Variants in RIMS1 observed in about 807,000 individuals in gnomAD.
The protein encoded by RIMS1 is regulating synaptic membrane exocytosis protein 1.
RIMS1 carries 83 observed loss-of-function variants against 214.1 expected under a neutral mutation model. The observed-to-expected ratio is 0.39, with a 90% CI of 0.32 to 0.47. RIMS1 has a LOEUF of 0.47. RIMS1 is among the 20% of genes least tolerant of loss of function. The probability of loss-of-function intolerance (pLI) is 0.99; values close to 1 mark genes in which losing one functional copy is unlikely to be tolerated. For missense variants in RIMS1, 2,050 were observed against 2,161.8 expected (o/e 0.95, Z 1.03); for synonymous variants, 793 against 786.8 (o/e 1.01, Z -0.13).
At chr6:71,887,426 T>G (rs13203310) in intron 1 of RIMS1, among the ~76,000 whole-genome samples, 16,982 of 151,798 alleles carry the variant, frequency 0.11, 1,277 homozygotes, top group Non-Finnish European at 0.16. Context: ...GAGGATGACT[T>G]GAGACTGGGG....
At chr6:72,346,343 C>G (rs1010126410) in intron 29 of RIMS1, among the ~76,000 whole-genome samples, 1 of 151,766 alleles carries the variant, frequency 6.6e-6, no homozygotes, top group African/African-American at 2.4e-5. Context: ...TAATAGAATA[C>G]AAGAATAGAA....
intron 2 of RIMS1, among the ~76,000 whole-genome samples, chr6:72,093,232 A>AG (rs202036845): frequency 0.36 from 47,734 of 132,564 alleles, 10,783 homozygotes; most frequent in Non-Finnish European, 0.45. Context: ...ATATATAAAA[A>AG]CATGTGTGTA....
intron 29 of RIMS1, among the ~76,000 whole-genome samples, chr6:72,356,329 G>T (rs2097643459): frequency 6.6e-6 from 1 of 151,998 alleles, no homozygotes; most frequent in Non-Finnish European, 1.5e-5. Context: ...ATGATGTTCT[G>T]TGTTTCTTAA....
chr6:72,172,633 T>G (rs1184891928), intron 4 of RIMS1, among the ~76,000 whole-genome samples: 1 of 152,224 alleles, frequency 6.6e-6, no homozygotes, highest in Admixed American at 6.5e-5. Flanking sequence ...GCAATGAATT[T>G]AGATTATGCT....
intron 1 of RIMS1, among the ~76,000 whole-genome samples, chr6:71,941,279 CTACT>C (rs1449521962): frequency 2.0e-5 from 3 of 150,882 alleles, no homozygotes; most frequent in Non-Finnish European, 3.0e-5. Flanking sequence ...AATTTACCCA[CTACT>C]TAAAGATAAT....
At chr6:72,326,475 T>C (rs1381963957) in intron 28 of RIMS1, among the ~76,000 whole-genome samples, 1 of 151,868 alleles carries the variant, frequency 6.6e-6, no homozygotes, top group African/African-American at 2.4e-5. Flanking sequence ...TCTGATGCTT[T>C]AATGTTATTT....
chr6:72,029,855 T>A (rs982329084), intron 2 of RIMS1, among the ~76,000 whole-genome samples: 4 of 152,160 alleles, frequency 2.6e-5, no homozygotes, highest in Non-Finnish European at 5.9e-5. Context: ...TTGAGTGATG[T>A]CATACTTAGG....
chr6:72,200,857 T>TTGTGTGTGTG (rs70994114), intron 6 of RIMS1, among the ~76,000 whole-genome samples: 108 of 146,254 alleles, frequency 7.4e-4, no homozygotes, highest in African/African-American at 1.8e-3. Flanking sequence ...AAGGACACAA[T>TTGTGTGTGTG]TGTGTGTGTG....
At chr6:71,974,704 A>G (rs1796720718) in intron 2 of RIMS1, among the ~76,000 whole-genome samples, 1 of 152,208 alleles carries the variant, frequency 6.6e-6, no homozygotes, top group Non-Finnish European at 1.5e-5. Context: ...GATTAAATGG[A>G]TATGATAAAA....
chr6:72,178,040 G>GT (rs1562501186), intron 4 of RIMS1, among the ~76,000 whole-genome samples: 1 of 152,132 alleles, frequency 6.6e-6, no homozygotes, highest in African/African-American at 2.4e-5. Flanking sequence ...TGAGAATTCC[G>GT]TAATATTGGT....
intron 28 of RIMS1, among the ~76,000 whole-genome samples, chr6:72,329,529 T>A (rs1016181235): frequency 6.6e-6 from 1 of 151,682 alleles, no homozygotes; most frequent in Non-Finnish European, 1.5e-5. Context: ...CATATGCCCT[T>A]TATTAGTTTT....
chr6:72,380,607 T>C (rs1038771658), intron 29 of RIMS1, among the ~76,000 whole-genome samples: 6 of 152,218 alleles, frequency 3.9e-5, no homozygotes, highest in African/African-American at 1.2e-4. Flanking sequence ...CTATTTTTAC[T>C]ACTACTGAGC....
intron 26 of RIMS1, among the ~76,000 whole-genome samples, chr6:72,298,000 G>A (rs2094268653): frequency 6.6e-6 from 1 of 151,966 alleles, no homozygotes; most frequent in South Asian, 2.1e-4. Flanking sequence ...AAGCCAAGGG[G>A]TTCATTAGGG....
intron 2 of RIMS1, among the ~76,000 whole-genome samples, chr6:71,989,549 G>A (rs1800964030): frequency 6.6e-6 from 1 of 152,104 alleles, no homozygotes; most frequent in African/African-American, 2.4e-5. Context: ...CAAAGCATGA[G>A]AAAAATTACA....
Position 72,403,053 on chromosome 6 carries a change from T to C in RIMS1, c.*2339T>C, listed in dbSNP as rs1338133787. 1 of 152,280 alleles carries C rather than the reference T, an allele frequency of 6.6e-6. No homozygotes were observed. Among genetic ancestry groups the C allele is most frequent in the African/African-American group, 2.4e-5 (1 of 41,468 alleles). 9.4% of individuals were successfully genotyped at this position (152,280 alleles called of 1,614,324 possible). On this transcript the variant is annotated 3_prime_UTR_variant, in exon 34 of 34. Transcript: ENST00000521978. ...ATGACTATACTTCTGAAAAGTGGCA[T>C]TATTAAAAATAATAAATCTCAGTAA...
At position 72,305,630 on chromosome 6, in the gene RIMS1, TCA is replaced by T. The variant is rs1455122837; in HGVS notation, c.3851-1627_3851-1626del. ...TAACTCACATTTTTCAATAACTGTCTCAGTTTCTAATTACTCTTACATAGCAT... is the reference window on the plus strand; with the variant it reads ...TAACTCACATTTTTCAATAACTGTCTGTTTCTAATTACTCTTACATAGCAT... On this transcript the variant is annotated intron_variant, in intron 26 of 33. Transcript: ENST00000521978. Among the ~76,000 whole-genome samples, 5 of 152,234 alleles carry T rather than the reference TCA, an allele frequency of 3.3e-5. No homozygotes were observed. In the East Asian group the frequency reaches 9.6e-4, roughly 29 times the overall value.
intron 29 of RIMS1, among the ~76,000 whole-genome samples, chr6:72,371,166 G>A (rs1249298403): frequency 1.3e-5 from 2 of 152,156 alleles, no homozygotes; most frequent in East Asian, 3.9e-4. Context: ...GTGTATGTGT[G>A]CTGTGTGTGC....
chr6:72,124,432 A>C lies in RIMS1; in HGVS notation c.471+24446A>C, dbSNP rs1193620456. 1.3e-5 allele frequency among the ~76,000 whole-genome samples: 2 copies of C among 151,786 alleles called. 1 individual carries two copies. Among genetic ancestry groups the C allele is most frequent in the Admixed American group, 1.3e-4 (2 of 15,224 alleles). On this transcript the variant is annotated intron_variant, in intron 4 of 33. Coordinates refer to ENST00000521978, the MANE Select transcript of RIMS1 (RefSeq NM_014989.7). ...TTTTTCCTTCATTTCAACCTTGGTG[A>C]ATCTGACAATTATGTGTGTGTCTTG...
At chr6:71,962,011 T>C (rs185815854) in intron 1 of RIMS1, among the ~76,000 whole-genome samples, 85 of 152,218 alleles carry the variant, frequency 5.6e-4, no homozygotes, top group Admixed American at 6.6e-5. Flanking sequence ...AATAAACTGA[T>C]TGTGTTAACA....
Sources: allele counts gnomAD v4.1 joint callset (sites outside exome capture counted in the v4.1 genomes callset), GRCh38; gene constraint gnomAD v4.1.1; transcripts MANE v1.5; gene names NCBI Gene and HGNC (gene_info 2026-07-23, HGNC 2026-07-21).